ZC3H12B: variants seen among roughly 807,000 people sequenced by gnomAD.
ZC3H12B encodes probable ribonuclease ZC3H12B.
A neutral mutation model predicts 43.9 loss-of-function variants in ZC3H12B; 7 were observed. The observed-to-expected ratio is 0.16, with a 90% confidence interval of 0.09 to 0.30. The LOEUF (loss-of-function observed/expected upper bound fraction) is 0.30, where lower values mean the gene tolerates loss of function less well. ZC3H12B is among the 10% of genes least tolerant of loss of function. The pLI is 1.00. For missense variants in ZC3H12B, 475 were observed against 670.2 expected (o/e 0.71, Z 3.22); for synonymous variants, 222 against 241.7 (o/e 0.92, Z 0.76).
intron 3 of ZC3H12B, among the ~76,000 whole-genome samples, chrX:65,423,901 C>T (rs58764069): frequency 0.084 from 9,261 of 110,778 alleles, 1,031 homozygotes; most frequent in African/African-American, 0.29. Flanking sequence ...AATTGCTTTT[C>T]GGGTTTTGTC....
At chrX:65,384,300 A>G (rs940942447) in intron 2 of ZC3H12B, among the ~76,000 whole-genome samples, 1 of 108,787 alleles carries the variant, frequency 9.2e-6, no homozygotes, top group Non-Finnish European at 1.9e-5. Context: ...ATTCTCACTC[A>G]TAGGTGGGAA....
the ZC3H12B span, chrX:65,356,857 T>G: frequency 9.5e-6 from 3 of 316,505 alleles, no homozygotes; most frequent in Non-Finnish European, 1.8e-5. Flanking sequence ...TTCCAGGAGG[T>G]CCAGTCGAAA....
chrX:65,167,570 T>C, the ZC3H12B span, among the ~76,000 whole-genome samples: 2 of 111,974 alleles, frequency 1.8e-5, no homozygotes, highest in Non-Finnish European at 3.8e-5. Context: ...TTTTTGCTAA[T>C]TCTGTGTAGA....
chrX:65,126,608 T>G, the ZC3H12B span, among the ~76,000 whole-genome samples: 1 of 111,142 alleles, frequency 9.0e-6, no homozygotes, highest in Admixed American at 9.6e-5. Flanking sequence ...GTTCTCTTCT[T>G]TCTTGGGTAC....
chrX:65,300,163 G>A, the ZC3H12B span, among the ~76,000 whole-genome samples: 2 of 112,161 alleles, frequency 1.8e-5, no homozygotes, highest in South Asian at 3.7e-4. Context: ...CAGAATATGG[G>A]GGAAGGGTGA....
chrX:65,133,564 C>T, the ZC3H12B span, among the ~76,000 whole-genome samples: 1 of 111,619 alleles, frequency 9.0e-6, no homozygotes, highest in South Asian at 3.9e-4. Context: ...GCTCCAGCCA[C>T]ATCTTTAAGA....
the ZC3H12B span, among the ~76,000 whole-genome samples, chrX:65,158,130 C>A: frequency 9.2e-6 from 1 of 108,688 alleles, no homozygotes; most frequent in South Asian, 4.2e-4. Context: ...GCATAGTATT[C>A]CATGGTGTAT....
chrX:65,116,710 C>A, the ZC3H12B span, among the ~76,000 whole-genome samples: 1 of 109,677 alleles, frequency 9.1e-6, no homozygotes, highest in African/African-American at 3.3e-5. Context: ...TGCTATCCTT[C>A]CCCCCTCCCC....
the ZC3H12B span, among the ~76,000 whole-genome samples, chrX:65,299,890 C>A: frequency 8.9e-6 from 1 of 112,295 alleles, no homozygotes; most frequent in South Asian, 3.7e-4. Context: ...TACTGGGGAA[C>A]CTGAGGTTCC....
At chrX:65,197,024 A>C in the ZC3H12B span, among the ~76,000 whole-genome samples, 1 of 112,128 alleles carries the variant, frequency 8.9e-6, no homozygotes, top group African/African-American at 3.2e-5. Flanking sequence ...GTAAGTAAAA[A>C]AGAAAGGCTT....
chrX:65,212,410 A>T, the ZC3H12B span, among the ~76,000 whole-genome samples: 2 of 59,032 alleles, frequency 3.4e-5, no homozygotes, highest in East Asian at 1.2e-3. Context: ...TTATATTTAT[A>T]TTATATATGT....
the ZC3H12B span, among the ~76,000 whole-genome samples, chrX:65,131,705 T>C: frequency 9.0e-6 from 1 of 111,475 alleles, no homozygotes; most frequent in East Asian, 2.8e-4. Flanking sequence ...ATTGTTGTTT[T>C]GTAGAAGGTG....
At chrX:65,370,728 T>C (rs906342037) in intron 2 of ZC3H12B, among the ~76,000 whole-genome samples, 7 of 112,045 alleles carry the variant, frequency 6.2e-5, no homozygotes, top group Admixed American at 9.5e-5. Context: ...AATTGCCTTC[T>C]AGGTCATTCT....
intron 2 of ZC3H12B, among the ~76,000 whole-genome samples, chrX:65,381,830 A>G (rs2066444672): frequency 8.9e-6 from 1 of 112,234 alleles, no homozygotes; most frequent in Non-Finnish European, 1.9e-5. Context: ...AAACACCTCT[A>G]CACAAATAAA....
chrX:65,416,616 C>A (rs1423720417), intron 3 of ZC3H12B, among the ~76,000 whole-genome samples: 1 of 89,397 alleles, frequency 1.1e-5, no homozygotes, highest in Non-Finnish European at 2.0e-5. Flanking sequence ...CCCGTCTCTA[C>A]TAAAAATACA....
At chrX:65,205,047 T>G in the ZC3H12B span, among the ~76,000 whole-genome samples, 1 of 112,328 alleles carries the variant, frequency 8.9e-6, no homozygotes, top group Non-Finnish European at 1.9e-5. Context: ...AATTGTAGAA[T>G]AACTTGTTAC....
the ZC3H12B span, among the ~76,000 whole-genome samples, chrX:65,264,797 A>G: frequency 8.9e-6 from 1 of 111,884 alleles, no homozygotes; most frequent in Non-Finnish European, 1.9e-5. Context: ...ACCATAGTAC[A>G]GGTCTGCTGG....
intron 3 of ZC3H12B, among the ~76,000 whole-genome samples, chrX:65,472,546 G>T (rs374379526): frequency 8.9e-4 from 97 of 108,832 alleles, no homozygotes; most frequent in African/African-American, 3.1e-3. Context: ...TATAAATTCA[G>T]CAGTTTTGTA....
the ZC3H12B span, among the ~76,000 whole-genome samples, chrX:65,329,513 G>A: frequency 1.1e-5 from 1 of 89,122 alleles, no homozygotes; most frequent in Admixed American, 1.0e-4. Context: ...TGTTCACTCT[G>A]ACGGAAGTTT....
Sources: allele counts gnomAD v4.1 joint callset (sites outside exome capture counted in the v4.1 genomes callset), GRCh38; gene constraint gnomAD v4.1.1; transcripts MANE v1.5; gene names NCBI Gene and HGNC (gene_info 2026-07-23, HGNC 2026-07-21).